The following IGSF11 variants were observed in gnomAD, a reference collection of about 807,000 sequenced individuals.
The protein encoded by IGSF11 is CXADR like 1.
A neutral mutation model predicts 41.0 loss-of-function variants in IGSF11; 22 were observed. That is an observed-to-expected ratio of 0.54 (90% CI 0.38 to 0.77). The LOEUF is 0.77. Among genes scored for constraint, IGSF11 ranks in the 30% least tolerant of loss-of-function variants. IGSF11 has a pLI of 0.00. For missense variants in IGSF11, 444 were observed against 530.8 expected (o/e 0.84, Z 1.61); for synonymous variants, 219 against 201.3 (o/e 1.09, Z -0.74).
At chr3:118,973,842 T>C (rs1177767187) in intron 1 of IGSF11, among the ~76,000 whole-genome samples, 4 of 151,990 alleles carry the variant, frequency 2.6e-5, no homozygotes, top group African/African-American at 4.8e-5. Context: ...TAGTTGAAAA[T>C]AGGGCTCATC....
chr3:119,081,913 A>T (rs1210637395), intron 1 of IGSF11, among the ~76,000 whole-genome samples: 1 of 152,186 alleles, frequency 6.6e-6, no homozygotes, highest in Non-Finnish European at 1.5e-5. Flanking sequence ...GTAAGCACTG[A>T]GAATGACGAA....
At chr3:118,987,737 G>A (rs1935401959) in intron 1 of IGSF11, among the ~76,000 whole-genome samples, 1 of 152,256 alleles carries the variant, frequency 6.6e-6, no homozygotes, top group Non-Finnish European at 1.5e-5. Flanking sequence ...GGGCTGGACA[G>A]TCTGTGGGCA....
At chr3:119,076,411 G>T (rs1479544926) in intron 1 of IGSF11, among the ~76,000 whole-genome samples, 1 of 152,204 alleles carries the variant, frequency 6.6e-6, no homozygotes, top group Non-Finnish European at 1.5e-5. Context: ...ATTGACAAAT[G>T]GGATCTAATT....
intron 1 of IGSF11, among the ~76,000 whole-genome samples, chr3:119,114,960 A>C (rs1241503413): frequency 6.6e-6 from 1 of 152,196 alleles, no homozygotes; most frequent in Non-Finnish European, 1.5e-5. Context: ...CATGTCCTAC[A>C]TGGCTGGAGC....
At chr3:119,058,923 A>G (rs996269888) in intron 1 of IGSF11, among the ~76,000 whole-genome samples, 2 of 151,848 alleles carry the variant, frequency 1.3e-5, no homozygotes, top group South Asian at 2.1e-4. Context: ...GAATTGAACA[A>G]TGAGAACACA....
intron 1 of IGSF11, among the ~76,000 whole-genome samples, chr3:118,976,272 T>C (rs1934089841): frequency 6.6e-6 from 1 of 152,214 alleles, no homozygotes; most frequent in Non-Finnish European, 1.5e-5. Context: ...TGTCCAAAAA[T>C]GAAGTCAATG....
intron 1 of IGSF11, among the ~76,000 whole-genome samples, chr3:119,022,269 G>A (rs901223358): frequency 6.6e-6 from 1 of 152,086 alleles, no homozygotes; most frequent in Non-Finnish European, 1.5e-5. Flanking sequence ...GGTTACCAGG[G>A]GTTAAGTGGA....
chr3:118,998,563 CA>C (rs943728442), intron 1 of IGSF11, among the ~76,000 whole-genome samples: 4 of 150,164 alleles, frequency 2.7e-5, no homozygotes, highest in Non-Finnish European at 3.0e-5. Context: ...TATCTGCACC[CA>C]CAAAGTATTA....
At chr3:119,016,855 C>G (rs1228523535) in intron 1 of IGSF11, among the ~76,000 whole-genome samples, 1 of 152,094 alleles carries the variant, frequency 6.6e-6, no homozygotes, top group African/African-American at 2.4e-5. Context: ...CCTACCTGTT[C>G]CATAAAGTGT....
At chr3:119,104,228 T>A (rs2076983933) in intron 1 of IGSF11, among the ~76,000 whole-genome samples, 1 of 152,222 alleles carries the variant, frequency 6.6e-6, no homozygotes, top group African/African-American at 2.4e-5. Context: ...ATTTGATGAC[T>A]CTGCATATTC....
At chr3:119,022,909 A>C (rs1158356110) in intron 1 of IGSF11, among the ~76,000 whole-genome samples, 2 of 152,170 alleles carry the variant, frequency 1.3e-5, no homozygotes, top group African/African-American at 4.8e-5. Context: ...ATGCATCAAA[A>C]GACACACACA....
chr3:119,142,254 G>T (rs866883135), intron 1 of IGSF11, among the ~76,000 whole-genome samples: 4 of 127,108 alleles, frequency 3.1e-5, no homozygotes, highest in Non-Finnish European at 4.7e-5. Context: ...CAGCCTGGGC[G>T]ACAGAGCAAG....
At chr3:119,036,785 C>G (rs1020943534), upstream of IGSF11, among the ~76,000 whole-genome samples, 1 of 152,026 alleles carries the variant, frequency 6.6e-6, no homozygotes, top group Non-Finnish European at 1.5e-5. Context: ...AGATAGAGTT[C>G]TGCCTCTTTG....
chr3:119,066,314 G>C (rs1942232092), intron 1 of IGSF11, among the ~76,000 whole-genome samples: 1 of 151,998 alleles, frequency 6.6e-6, no homozygotes, highest in African/African-American at 2.4e-5. Context: ...TTATACCTTG[G>C]TTTGCAACAG....
chr3:119,019,607 C>T (rs986633321), intron 1 of IGSF11, among the ~76,000 whole-genome samples: 1 of 151,982 alleles, frequency 6.6e-6, no homozygotes, highest in Admixed American at 6.6e-5. Flanking sequence ...TTACCCCCAG[C>T]CAGAGAAGGA....
chr3:119,076,183 G>C (rs2076495695), intron 1 of IGSF11, among the ~76,000 whole-genome samples: 1 of 152,190 alleles, frequency 6.6e-6, no homozygotes. Context: ...CTTAATAAAT[G>C]GTGCTGGGAA....
At position 119,016,180 on chromosome 3, in the gene IGSF11, G is replaced by A. The variant is rs150499880; in HGVS notation, c.52+18351C>T. On this transcript the variant is annotated intron_variant, in intron 1 of 6. Transcript: ENST00000393775. ...GGAGGCACAAAGGGTGTCACACTGG[G>A]CTGTGGGGCACAGAAAAGAAGGGAG... Among the ~76,000 whole-genome samples, 125 of 152,346 alleles carry A rather than the reference G, an allele frequency of 8.2e-4. 1 individual carries two copies. In the East Asian group the frequency reaches 0.011, roughly 14 times the overall value.
At chr3:119,050,135 C>A (rs1199814785) in intron 1 of IGSF11, among the ~76,000 whole-genome samples, 4 of 150,246 alleles carry the variant, frequency 2.7e-5, no homozygotes, top group Non-Finnish European at 5.9e-5. Flanking sequence ...CAACAAAAGC[C>A]AAAATTGACA....
intron 1 of IGSF11, among the ~76,000 whole-genome samples, chr3:119,115,679 T>C (rs1166412089): frequency 1.3e-5 from 2 of 152,194 alleles, no homozygotes; most frequent in Non-Finnish European, 2.9e-5. Context: ...GTTGCAAATA[T>C]TTTCTCTCAT....
Sources: gnomAD v4.1 joint callset for allele counts (sites outside exome capture counted in the v4.1 genomes callset) on GRCh38, gnomAD v4.1.1 for gene constraint, MANE v1.5 for transcripts, NCBI Gene and HGNC (gene_info 2026-07-23, HGNC 2026-07-21) for gene names.